The following HS3ST4 variants were observed in gnomAD, a reference collection of about 807,000 sequenced individuals.
HS3ST4 encodes heparan sulfate glucosamine 3-O-sulfotransferase 4.
HS3ST4 carries 17 observed loss-of-function variants against 29.2 expected under a neutral mutation model. The observed-to-expected ratio is 0.58, with a 90% CI of 0.40 to 0.87. The LOEUF (loss-of-function observed/expected upper bound fraction) is 0.87. Among genes scored for constraint, HS3ST4 ranks in the 40% least tolerant of loss-of-function variants. The pLI is 0.00. For missense variants in HS3ST4, 627 were observed against 634.5 expected, an observed-to-expected ratio of 0.99 and a Z score of 0.13; for synonymous variants, 314 against 285.7, an observed-to-expected ratio of 1.10 and a Z score of -1.00.
intron 1 of HS3ST4, among the ~76,000 whole-genome samples, chr16:25,860,728 A>G (rs1967628231): frequency 6.6e-6 from 1 of 152,146 alleles, no homozygotes; most frequent in Admixed American, 6.6e-5. Flanking sequence ...GGAGGGTTGA[A>G]TAGGTGGAGC....
At chr16:25,836,987 G>A (rs2141642484) in intron 1 of HS3ST4, among the ~76,000 whole-genome samples, 1 of 152,342 alleles carries the variant, frequency 6.6e-6, no homozygotes, top group East Asian at 1.9e-4. Context: ...GTGGTTTTGT[G>A]CTCACCTCTT....
At chr16:25,839,835 A>G (rs760416675) in intron 1 of HS3ST4, among the ~76,000 whole-genome samples, 2 of 152,214 alleles carry the variant, frequency 1.3e-5, no homozygotes, top group South Asian at 2.1e-4. Flanking sequence ...ACAAAAGCCA[A>G]TCAGCACTGC....
At chr16:25,995,877 T>C (rs1180792910) in intron 1 of HS3ST4, among the ~76,000 whole-genome samples, 1 of 152,166 alleles carries the variant, frequency 6.6e-6, no homozygotes, top group Non-Finnish European at 1.5e-5. Flanking sequence ...TTATTATCCC[T>C]GTCTTTCTCT....
At chr16:25,707,011 G>A (rs112711919) in intron 1 of HS3ST4, among the ~76,000 whole-genome samples, 2,196 of 152,272 alleles carry the variant, frequency 0.014, 49 homozygotes, top group African/African-American at 0.048. Context: ...GTCCTGCTCT[G>A]TGCCACCCAG....
chr16:25,692,452 C>T lies in HS3ST4; in HGVS notation c.35C>T (p.Pro12Leu), dbSNP rs1297370876. Reference protein sequence around the residue: ...ARWPAPPPPPPPPPPLAAPPP... With the variant: ...ARWPAPPPPPLPPPPLAAPPP... Reference sequence around the variant, plus strand: ...TGGCCCGCACCTCCTCCGCCTCCGCCTCCGCCTCCACCTCTGGCCGCGCCG... The same window carrying T: ...TGGCCCGCACCTCCTCCGCCTCCGCTTCCGCCTCCACCTCTGGCCGCGCCG... Residue 12 changes from proline (P) to leucine (L), a missense_variant, in exon 1 of 2, where the codon CCT (proline) becomes CTT (leucine). Physicochemically the swap from Pro to Leu is moderately conservative, Grantham distance 98. Transcript: ENST00000331351. 1.9e-5 allele frequency: 25 copies of T among 1,294,418 alleles called. No individual in the cohort carries two copies. Among genetic ancestry groups the T allele is most frequent in the Non-Finnish European group, 2.3e-5 (23 of 1,010,132 alleles). 80.2% of individuals were successfully genotyped at this position (1,294,418 alleles called of 1,614,324 possible).
chr16:25,846,451 T>G (rs2141647372), intron 1 of HS3ST4, among the ~76,000 whole-genome samples: 1 of 152,194 alleles, frequency 6.6e-6, no homozygotes, highest in South Asian at 2.1e-4. Context: ...GGAGGATCTC[T>G]TGAGCCCAGG....
At chr16:25,833,758 A>T (rs1967329858) in intron 1 of HS3ST4, among the ~76,000 whole-genome samples, 1 of 152,194 alleles carries the variant, frequency 6.6e-6, no homozygotes. Flanking sequence ...TGCACCAAGG[A>T]TTACTGGAAA....
At chr16:25,773,526 G>A (rs1966844795) in intron 1 of HS3ST4, among the ~76,000 whole-genome samples, 1 of 152,168 alleles carries the variant, frequency 6.6e-6, no homozygotes, top group Non-Finnish European at 1.5e-5. Flanking sequence ...ATGGTGTGTG[G>A]CACTTAATAA....
intron 1 of HS3ST4, among the ~76,000 whole-genome samples, chr16:25,813,027 A>G (rs1967057622): frequency 6.6e-6 from 1 of 152,322 alleles, no homozygotes; most frequent in South Asian, 2.1e-4. Context: ...TAGATAAACA[A>G]CACTCACAGT....
At chr16:25,949,159 T>C (rs778252874) in intron 1 of HS3ST4, among the ~76,000 whole-genome samples, 2 of 152,070 alleles carry the variant, frequency 1.3e-5, no homozygotes, top group Non-Finnish European at 2.9e-5. Context: ...TTATTACACA[T>C]CGTGGAGAAT....
chr16:25,939,151 G>A (rs747322123), intron 1 of HS3ST4, among the ~76,000 whole-genome samples: 1 of 152,072 alleles, frequency 6.6e-6, no homozygotes, highest in Non-Finnish European at 1.5e-5. Context: ...GCCAGGTGGG[G>A]ATGGTGGTGG....
At chr16:25,882,654 C>G (rs1455307449) in intron 1 of HS3ST4, among the ~76,000 whole-genome samples, 1 of 152,156 alleles carries the variant, frequency 6.6e-6, no homozygotes, top group African/African-American at 2.4e-5. Flanking sequence ...TTTCGAGCCA[C>G]TGTTCCATCT....
chr16:25,817,937 G>C (rs150081672), intron 1 of HS3ST4, among the ~76,000 whole-genome samples: 244 of 152,272 alleles, frequency 1.6e-3, no homozygotes, highest in Non-Finnish European at 3.0e-3. Flanking sequence ...TATGTCACTG[G>C]AAGGCAGGAA....
intron 1 of HS3ST4, among the ~76,000 whole-genome samples, chr16:25,976,417 C>T (rs563998266): frequency 1.3e-5 from 2 of 152,254 alleles, no homozygotes; most frequent in South Asian, 4.1e-4. Flanking sequence ...GCAACCTTTT[C>T]ACCTCTGCTT....
chr16:25,729,256 A>G (rs1966556018), intron 1 of HS3ST4, among the ~76,000 whole-genome samples: 1 of 152,208 alleles, frequency 6.6e-6, no homozygotes. Flanking sequence ...GAAATGAGAC[A>G]CAGCGTTTGG....
intron 1 of HS3ST4, among the ~76,000 whole-genome samples, chr16:25,806,319 G>A (rs1966990197): frequency 1.3e-5 from 2 of 151,980 alleles, no homozygotes; most frequent in Non-Finnish European, 1.5e-5. Context: ...GTGAGTGCAA[G>A]CGTGTGTGTG....
intron 1 of HS3ST4, among the ~76,000 whole-genome samples, chr16:25,794,968 C>T (rs1057504260): frequency 2.1e-4 from 29 of 140,846 alleles, no homozygotes; most frequent in Non-Finnish European, 2.2e-4. Context: ...ATCTTTTTTT[C>T]TTTACTTTTT....
At chr16:25,843,897 G>A (rs914731064) in intron 1 of HS3ST4, among the ~76,000 whole-genome samples, 2 of 152,206 alleles carry the variant, frequency 1.3e-5, no homozygotes, top group South Asian at 4.2e-4. Flanking sequence ...TCATTTTAAC[G>A]GGTTTTGAAT....
intron 1 of HS3ST4, among the ~76,000 whole-genome samples, chr16:25,979,207 T>G (rs1968977337): frequency 6.6e-6 from 1 of 152,168 alleles, no homozygotes; most frequent in Non-Finnish European, 1.5e-5. Flanking sequence ...ACTTGTTCTC[T>G]CTCTTAAGCT....
Sources: allele counts gnomAD v4.1 joint callset (sites outside exome capture counted in the v4.1 genomes callset), GRCh38; gene constraint gnomAD v4.1.1; transcripts MANE v1.5; gene names NCBI Gene and HGNC (gene_info 2026-07-23, HGNC 2026-07-21).